Variants in CALN1 observed in about 807,000 individuals in gnomAD.
CALN1 encodes the protein calcium-binding protein 8.
CALN1 carries 17 observed loss-of-function variants against 30.6 expected under a neutral mutation model. The observed-to-expected ratio is 0.56, with a 90% confidence interval of 0.38 to 0.83. CALN1 has a LOEUF of 0.83. CALN1 is among the 40% of genes least tolerant of loss of function. The pLI is 0.00. For synonymous variants in CALN1, 156 were observed against 131.4 expected (o/e 1.19, Z -1.28); for missense variants, 291 against 354.9 (o/e 0.82, Z 1.45).
chr7:71,960,984 T>G (rs1294133788), intron 5 of CALN1, among the ~76,000 whole-genome samples: 1 of 152,086 alleles, frequency 6.6e-6, no homozygotes, highest in Non-Finnish European at 1.5e-5. Context: ...ACCTGGCTAA[T>G]TTTTGTATTT....
chr7:72,099,572 C>T (rs1037317640), intron 4 of CALN1, among the ~76,000 whole-genome samples: 3 of 151,796 alleles, frequency 2.0e-5, no homozygotes, highest in Non-Finnish European at 2.9e-5. Context: ...TCATTGGCAA[C>T]GTGAAATTTG....
the CALN1 span, among the ~76,000 whole-genome samples, chr7:72,454,001 TA>T: frequency 2.0e-5 from 3 of 151,576 alleles, no homozygotes; most frequent in African/African-American, 7.3e-5. Context: ...AAAATATATA[TA>T]TATATATATA....
At chr7:71,892,474 C>T (rs1432074307) in intron 5 of CALN1, among the ~76,000 whole-genome samples, 3 of 152,246 alleles carry the variant, frequency 2.0e-5, no homozygotes, top group South Asian at 2.1e-4. Flanking sequence ...CCCGTCTCTA[C>T]TAAAAATGCA....
chr7:71,976,157 T>C (rs1798092875), intron 5 of CALN1, among the ~76,000 whole-genome samples: 1 of 151,904 alleles, frequency 6.6e-6, no homozygotes, highest in Admixed American at 6.6e-5. Flanking sequence ...ATGATTTCGG[T>C]CAAGAACCAA....
chr7:71,786,801 T>C lies in CALN1; in HGVS notation c.*974A>G, dbSNP rs1184643558. On this transcript the variant is annotated 3_prime_UTR_variant, in exon 7 of 7. Coordinates refer to ENST00000395275, the MANE Select transcript of CALN1 (RefSeq NM_031468.4). Reference sequence around the variant, plus strand: ...GTCTCCATGACTCCAGATGGCTGGGTGTGGGTATCAAAACCTCACCGCCAG... The same window carrying C: ...GTCTCCATGACTCCAGATGGCTGGGCGTGGGTATCAAAACCTCACCGCCAG... The C allele has an allele frequency of 6.6e-6, 1 of 152,158 alleles. No individual in the cohort carries two copies. Among genetic ancestry groups the C allele is most frequent in the African/African-American group, 2.4e-5 (1 of 41,418 alleles). 9.4% of individuals were successfully genotyped at this position (152,158 alleles called of 1,614,324 possible).
chr7:72,345,927 T>C (rs1374013525), intron 2 of CALN1, among the ~76,000 whole-genome samples: 1 of 152,040 alleles, frequency 6.6e-6, no homozygotes, highest in African/African-American at 2.4e-5. Context: ...TCAACAGGCA[T>C]GTCCGGAAAA....
chr7:72,234,299 ACT>A (rs1205910841), intron 3 of CALN1, among the ~76,000 whole-genome samples: 2 of 151,756 alleles, frequency 1.3e-5, no homozygotes, highest in Non-Finnish European at 2.9e-5. Flanking sequence ...CCAAGATTAG[ACT>A]CTGCCTAGAT....
intron 5 of CALN1, among the ~76,000 whole-genome samples, chr7:71,876,623 G>C (rs1792258928): frequency 6.6e-6 from 1 of 152,030 alleles, no homozygotes; most frequent in Admixed American, 6.6e-5. Flanking sequence ...TACTTGGTAA[G>C]GGGGGGAGAA....
At chr7:72,279,534 A>T (rs914260458) in intron 2 of CALN1, among the ~76,000 whole-genome samples, 2 of 152,216 alleles carry the variant, frequency 1.3e-5, no homozygotes, top group African/African-American at 2.4e-5. Flanking sequence ...GCATCCTTCT[A>T]CGCCAATAGA....
intron 3 of CALN1, among the ~76,000 whole-genome samples, chr7:72,179,632 T>C (rs1218184070): frequency 6.6e-6 from 1 of 152,156 alleles, no homozygotes; most frequent in African/African-American, 2.4e-5. Context: ...ATCCACCTAA[T>C]TGTCAAACTT....
intron 3 of CALN1, among the ~76,000 whole-genome samples, chr7:72,235,355 C>A (rs1028849411): frequency 1.3e-5 from 2 of 152,084 alleles, no homozygotes; most frequent in African/African-American, 2.4e-5. Context: ...AGTGTGTCCA[C>A]GCCTTATAGA....
chr7:72,216,286 C>A (rs1042355617), intron 3 of CALN1, among the ~76,000 whole-genome samples: 3 of 151,788 alleles, frequency 2.0e-5, no homozygotes, highest in Non-Finnish European at 4.4e-5. Flanking sequence ...CATAACTGAG[C>A]GTGGTGGTGT....
chr7:71,992,736 T>C (rs552345276), intron 5 of CALN1, among the ~76,000 whole-genome samples: 97 of 152,334 alleles, frequency 6.4e-4, no homozygotes, highest in African/African-American at 2.3e-3. Flanking sequence ...TTCTTACCTT[T>C]GGGCTGCAAT....
At chr7:72,070,311 C>A (rs527602812) in intron 4 of CALN1, among the ~76,000 whole-genome samples, 13 of 152,142 alleles carry the variant, frequency 8.5e-5, no homozygotes, top group African/African-American at 2.7e-4. Context: ...ACTAGGTCCT[C>A]GCTTTTACAT....
At chr7:71,847,277 G>A (rs557565957) in intron 5 of CALN1, among the ~76,000 whole-genome samples, 1 of 152,164 alleles carries the variant, frequency 6.6e-6, no homozygotes, top group Admixed American at 6.5e-5. Context: ...GACCTGGTGG[G>A]AGATAATTGA....
At chr7:71,823,871 T>C (rs962250457) in intron 5 of CALN1, among the ~76,000 whole-genome samples, 5 of 152,176 alleles carry the variant, frequency 3.3e-5, no homozygotes, top group African/African-American at 4.8e-5. Context: ...ACTTCTTATA[T>C]GGTGGCAGGT....
At chr7:71,847,678 T>C (rs1231197663) in intron 5 of CALN1, among the ~76,000 whole-genome samples, 1 of 103,612 alleles carries the variant, frequency 9.7e-6, no homozygotes, top group Admixed American at 1.2e-4. Flanking sequence ...TGAGACTCTG[T>C]CAAAAAAAAA....
chr7:71,865,669 G>A (rs139328554), intron 5 of CALN1, among the ~76,000 whole-genome samples: 212 of 152,256 alleles, frequency 1.4e-3, no homozygotes, highest in African/African-American at 4.5e-3. Context: ...GTTGTTAATT[G>A]GGAGGACACA....
At chr7:72,115,647 C>T (rs1807931702) in intron 3 of CALN1, among the ~76,000 whole-genome samples, 1 of 151,672 alleles carries the variant, frequency 6.6e-6, no homozygotes, top group African/African-American at 2.4e-5. Context: ...TGCCACCAGA[C>T]CTGGCTAATT....
Sources: gnomAD v4.1 joint callset for allele counts (sites outside exome capture counted in the v4.1 genomes callset) on GRCh38, gnomAD v4.1.1 for gene constraint, MANE v1.5 for transcripts, NCBI Gene and HGNC (gene_info 2026-07-23, HGNC 2026-07-21) for gene names.